The following CDH18 variants were observed in gnomAD, a reference collection of about 807,000 sequenced individuals.
The protein encoded by CDH18 is cadherin 18, also known as cadherin-18.
A neutral mutation model predicts 67.9 loss-of-function variants in CDH18; 31 were observed. The ratio of observed to expected loss-of-function variants is 0.46; its 90% confidence interval spans 0.34 to 0.62. CDH18 has a LOEUF of 0.62. Among genes scored for constraint, CDH18 ranks in the 20% least tolerant of loss-of-function variants. The pLI, the probability that CDH18 is intolerant of heterozygous loss-of-function variation, is 0.01. For missense variants in CDH18, 890 were observed against 975.5 expected (o/e 0.91, Z 1.17); for synonymous variants, 362 against 347.2 (o/e 1.04, Z -0.48).
intron 5 of CDH18, among the ~76,000 whole-genome samples, chr5:19,681,169 C>A (rs557811813): frequency 2.6e-4 from 39 of 152,032 alleles, no homozygotes; most frequent in Admixed American, 5.9e-4. Context: ...GAACAGAAAA[C>A]CAAATACTGC....
At chr5:19,605,053 T>G (rs775317845) in intron 6 of CDH18, among the ~76,000 whole-genome samples, 1 of 151,942 alleles carries the variant, frequency 6.6e-6, no homozygotes, top group Non-Finnish European at 1.5e-5. Flanking sequence ...AAATATATGC[T>G]TATTACCATA....
chr5:19,892,513 G>C (rs868404973), intron 2 of CDH18, among the ~76,000 whole-genome samples: 1 of 152,018 alleles, frequency 6.6e-6, no homozygotes, highest in African/African-American at 2.4e-5. Flanking sequence ...AGTCTCCAAC[G>C]ATCTGTAATC....
At chr5:20,185,168 A>G (rs867615607) in intron 2 of CDH18, among the ~76,000 whole-genome samples, 1 of 152,082 alleles carries the variant, frequency 6.6e-6, no homozygotes, top group African/African-American at 2.4e-5. Flanking sequence ...CTCACATGCC[A>G]TATCAAATTC....
At chr5:20,115,107 A>G (rs1189610530) in intron 2 of CDH18, among the ~76,000 whole-genome samples, 10 of 152,108 alleles carry the variant, frequency 6.6e-5, no homozygotes, top group Admixed American at 5.9e-4. Context: ...TTCAAGATCA[A>G]GGTGCTAGCC....
At chr5:19,667,116 TA>T (rs142932472) in intron 5 of CDH18, among the ~76,000 whole-genome samples, 1 of 151,984 alleles carries the variant, frequency 6.6e-6, no homozygotes, top group African/African-American at 2.4e-5. Context: ...TGTTATTAAA[TA>T]TGTTATTTAT....
In CDH18 at chr5:20,171,888, A is replaced by AT. The variant is rs764783341; in HGVS notation, c.-518+83555dup. ...CTTTAAATTGTTAAGTCTTCAGTTG[A>AT]TTTTTTTTTTATATGGTGTAAGGAA... On this transcript the variant is annotated intron_variant, in intron 2 of 14. Transcript: ENST00000507958. Among the ~76,000 whole-genome samples the AT allele has an allele frequency of 6.2e-3, 914 of 146,620 alleles. 6 individuals carry two copies. The highest frequency in any genetic ancestry group is 0.011 in the Admixed American group (161 of 14,538).
At chr5:20,297,208 C>T (rs930353883) in intron 1 of CDH18, among the ~76,000 whole-genome samples, 3 of 151,860 alleles carry the variant, frequency 2.0e-5, no homozygotes, top group African/African-American at 7.3e-5. Context: ...TAGGTTTTTC[C>T]CCTTTCTTTC....
chr5:20,516,784 A>AT (rs201542403), intron 1 of CDH18, among the ~76,000 whole-genome samples: 4 of 151,614 alleles, frequency 2.6e-5, no homozygotes, highest in Non-Finnish European at 4.4e-5. Context: ...ATTACCTTGT[A>AT]TTTTTTTTCG....
At chr5:20,444,846 A>C (rs1399768395) in intron 1 of CDH18, among the ~76,000 whole-genome samples, 1 of 151,432 alleles carries the variant, frequency 6.6e-6, no homozygotes, top group African/African-American at 2.4e-5. Context: ...AATAAATCCT[A>C]TAAGAGAGAT....
At chr5:19,613,461 G>C (rs1386218748) in intron 5 of CDH18, among the ~76,000 whole-genome samples, 2 of 152,030 alleles carry the variant, frequency 1.3e-5, no homozygotes, top group Non-Finnish European at 2.9e-5. Flanking sequence ...CAACTTTAAG[G>C]AGAACTAGAT....
chr5:19,793,207 C>T (rs936496972), intron 3 of CDH18, among the ~76,000 whole-genome samples: 2 of 152,132 alleles, frequency 1.3e-5, no homozygotes, highest in Non-Finnish European at 2.9e-5. Flanking sequence ...AATCTAAGTT[C>T]AGATAGTGAT....
intron 3 of CDH18, among the ~76,000 whole-genome samples, chr5:19,837,566 T>C (rs1470104806): frequency 1.3e-5 from 2 of 152,118 alleles, no homozygotes; most frequent in African/African-American, 4.8e-5. Flanking sequence ...TCTGTCTCAT[T>C]TTAATATGCA....
chr5:20,481,052 G>T (rs759298223), intron 1 of CDH18, among the ~76,000 whole-genome samples: 1 of 151,566 alleles, frequency 6.6e-6, no homozygotes, highest in African/African-American at 2.4e-5. Flanking sequence ...TAGAGTGGCT[G>T]CCAGGAAAAA....
intron 6 of CDH18, among the ~76,000 whole-genome samples, chr5:19,599,582 T>C (rs1030934342): frequency 2.0e-5 from 3 of 152,084 alleles, no homozygotes; most frequent in African/African-American, 7.2e-5. Flanking sequence ...TTCATCTGAT[T>C]TGTGTAGCAG....
intron 1 of CDH18, among the ~76,000 whole-genome samples, chr5:20,411,097 G>C (rs140431376): frequency 9.6e-4 from 145 of 151,770 alleles, no homozygotes; most frequent in African/African-American, 1.9e-3. Flanking sequence ...ATAAAATATA[G>C]AAACAATTCT....
At chr5:20,086,920 G>T (rs1745003844) in intron 2 of CDH18, among the ~76,000 whole-genome samples, 1 of 152,102 alleles carries the variant, frequency 6.6e-6, no homozygotes, top group Non-Finnish European at 1.5e-5. Context: ...TGATAGTTCA[G>T]TCTTACTAAG....
chr5:20,511,507 T>C (rs1460813329), intron 1 of CDH18, among the ~76,000 whole-genome samples: 1 of 152,138 alleles, frequency 6.6e-6, no homozygotes, highest in Non-Finnish European at 1.5e-5. Context: ...AATAGAGGCA[T>C]AGGCAAATAT....
intron 2 of CDH18, among the ~76,000 whole-genome samples, chr5:20,047,166 G>A (rs775442490): frequency 6.6e-6 from 1 of 151,768 alleles, no homozygotes; most frequent in East Asian, 1.9e-4. Flanking sequence ...CAGGAGAGAC[G>A]AGGCAGGGGT....
chr5:19,977,366 C>A (rs558952173), intron 2 of CDH18, among the ~76,000 whole-genome samples: 1 of 152,054 alleles, frequency 6.6e-6, no homozygotes, highest in African/African-American at 2.4e-5. Context: ...CTCATTTGCA[C>A]GTTTTTTATT....
Sources: allele counts gnomAD v4.1 joint callset (sites outside exome capture counted in the v4.1 genomes callset), GRCh38; gene constraint gnomAD v4.1.1; transcripts MANE v1.5; gene names NCBI Gene and HGNC (gene_info 2026-07-23, HGNC 2026-07-21).